The following KAT6A variants were observed in gnomAD, a reference collection of about 807,000 sequenced individuals.
KAT6A encodes histone acetyltransferase KAT6A.
A neutral mutation model predicts 198.4 loss-of-function variants in KAT6A; 9 were observed. The observed-to-expected ratio is 0.05, with a 90% CI of 0.03 to 0.08. The LOEUF (loss-of-function observed/expected upper bound fraction) is 0.08, where lower values mean the gene tolerates loss of function less well. KAT6A is among the 10% of genes least tolerant of loss of function. The pLI, the probability that KAT6A is intolerant of heterozygous loss-of-function variation, is 1.00. For missense variants in KAT6A, 2,077 were observed against 2,509.9 expected, an observed-to-expected ratio of 0.83 and a Z score of 3.69; for synonymous variants, 890 against 883.0, an observed-to-expected ratio of 1.01 and a Z score of -0.14.
chr8:41,981,018 G>A, intron 4 of KAT6A, 91 bp from the exon 5 acceptor site: 2 of 915,626 alleles, frequency 2.2e-6, no homozygotes, highest in East Asian at 4.9e-5. Flanking sequence ...AAAGCTTCAG[G>A]GATCTTAAAA....
intron 2 of KAT6A, among the ~76,000 whole-genome samples, chr8:42,039,150 C>T (rs763366599): frequency 1.3e-5 from 2 of 152,152 alleles, no homozygotes; most frequent in Non-Finnish European, 2.9e-5. Context: ...CTGGGACAAG[C>T]AGAAGGGTGA....
chr8:41,958,231 G>A (rs1823023554), intron 8 of KAT6A: 1 of 152,192 alleles, frequency 6.6e-6, no homozygotes, highest in Non-Finnish European at 1.5e-5. Context: ...ATGAATTTAA[G>A]GACTAGAGAA....
chr8:42,026,753 T>C (rs769671622), intron 2 of KAT6A, among the ~76,000 whole-genome samples: 1 of 152,224 alleles, frequency 6.6e-6, no homozygotes, highest in Non-Finnish European at 1.5e-5. Flanking sequence ...GGATGCCTTT[T>C]TTTTCTTTCT....
intron 2 of KAT6A, among the ~76,000 whole-genome samples, chr8:42,045,891 A>G (rs998644261): frequency 6.6e-6 from 1 of 151,796 alleles, no homozygotes; most frequent in Non-Finnish European, 1.5e-5. Context: ...AGGTTGAGGC[A>G]GAAGAATCGC....
At position 41,932,081 on chromosome 8, in the gene KAT6A, A is replaced by C; in HGVS notation, c.*124T>G. 1 of 970,630 alleles carries C rather than the reference A, an allele frequency of 1.0e-6. No individual in the cohort carries two copies. The highest frequency in any genetic ancestry group is 1.4e-6 in the Non-Finnish European group (1 of 734,868). The allele number at this position is 970,630 out of a possible 1,614,324, so 60.1% of individuals were successfully genotyped here. A position where few individuals can be genotyped will look rare whatever the true frequency, so the allele number is the denominator to read the frequency against. Reference sequence around the variant, plus strand: ...TTCTAAAAAATAAAATAAACCAAAGAAAAATTCCTCTAAATCTACAGCAAT... The same window carrying C: ...TTCTAAAAAATAAAATAAACCAAAGCAAAATTCCTCTAAATCTACAGCAAT... On this transcript the variant is annotated 3_prime_UTR_variant, in exon 17 of 17. Transcript: ENST00000265713.
chr8:42,004,789 G>A (rs1825656869), intron 2 of KAT6A, among the ~76,000 whole-genome samples: 1 of 152,064 alleles, frequency 6.6e-6, no homozygotes, highest in Non-Finnish European at 1.5e-5. Context: ...TTAGCCGGGT[G>A]TGGTGGTGTG....
rs538691155 is a variant in KAT6A, at chr8:41,986,347, CTGCAG to C, written c.709+1103_709+1107del. On this transcript the variant is annotated intron_variant, in intron 3 of 16. Transcript: ENST00000265713. ...CTAGAATTTCACATTGCTCGCTAGA[CTGCAG>C]TATCAACACTATTTCCCAATGTGAC... Among the ~76,000 whole-genome samples, 702 of 152,328 alleles carry C rather than the reference CTGCAG, an allele frequency of 4.6e-3. 1 individual carries two copies. Among genetic ancestry groups the C allele is most frequent in the Non-Finnish European group, 7.9e-3 (535 of 68,018 alleles).
chr8:41,996,521 T>C (rs1825211938), intron 2 of KAT6A, among the ~76,000 whole-genome samples: 1 of 152,204 alleles, frequency 6.6e-6, no homozygotes, highest in African/African-American at 2.4e-5. Flanking sequence ...CAATGTCCCC[T>C]CCAAGTCTGG....
At chr8:42,024,828 T>C (rs1341506113) in intron 2 of KAT6A, among the ~76,000 whole-genome samples, 1 of 152,210 alleles carries the variant, frequency 6.6e-6, no homozygotes, top group Non-Finnish European at 1.5e-5. Context: ...TTATAAAATT[T>C]TCTTTATCCA....
intron 8 of KAT6A, among the ~76,000 whole-genome samples, chr8:41,967,403 G>A (rs1215870269): frequency 6.6e-6 from 1 of 150,504 alleles, no homozygotes; most frequent in Non-Finnish European, 1.5e-5. Context: ...CCACTAACTC[G>A]TCATCTAGCA....
chr8:41,965,552 CTTTT>C (rs1281498747), intron 8 of KAT6A, among the ~76,000 whole-genome samples: 1 of 152,174 alleles, frequency 6.6e-6, no homozygotes, highest in Non-Finnish European at 1.5e-5. Flanking sequence ...CTTCAAACCA[CTTTT>C]TTTATTACAG....
At chr8:42,035,471 T>A (rs893954600) in intron 2 of KAT6A, among the ~76,000 whole-genome samples, 1 of 152,134 alleles carries the variant, frequency 6.6e-6, no homozygotes, top group African/African-American at 2.4e-5. Context: ...AGGAAAGTTA[T>A]CTCTAGATAA....
At chr8:41,955,155 CG>C (rs1564020441) in intron 9 of KAT6A, 140 bp downstream of exon 9, 1 of 588,466 alleles carries the variant, frequency 1.7e-6, no homozygotes, top group East Asian at 3.1e-5. Context: ...CTGCCAAAGC[CG>C]CTGCTATTAT....
chr8:41,940,032 A>G (rs1822032116), intron 15 of KAT6A, among the ~76,000 whole-genome samples: 1 of 152,224 alleles, frequency 6.6e-6, no homozygotes, highest in African/African-American at 2.4e-5. Flanking sequence ...AAAACAAAAC[A>G]AAACAAAAGA....
intron 8 of KAT6A, among the ~76,000 whole-genome samples, chr8:41,965,891 C>T (rs534074927): frequency 1.3e-5 from 2 of 152,080 alleles, no homozygotes; most frequent in South Asian, 4.1e-4. Context: ...GTAGGTGGGG[C>T]GATGTTTACT....
intron 8 of KAT6A, among the ~76,000 whole-genome samples, chr8:41,956,729 T>C (rs1229932351): frequency 6.6e-6 from 1 of 152,222 alleles, no homozygotes; most frequent in East Asian, 1.9e-4. Context: ...AATTGTGTTA[T>C]AACACCACCA....
chr8:42,026,682 T>A (rs1826830767), intron 2 of KAT6A, among the ~76,000 whole-genome samples: 1 of 152,260 alleles, frequency 6.6e-6, no homozygotes, highest in Non-Finnish European at 1.5e-5. Context: ...TTCATGTTTT[T>A]CTACATATGA....
chr8:41,986,957 G>C (rs866542595), intron 3 of KAT6A, among the ~76,000 whole-genome samples: 2 of 152,146 alleles, frequency 1.3e-5, no homozygotes, highest in South Asian at 4.1e-4. Flanking sequence ...AAAATTGCTT[G>C]AACTCAGGAG....
intron 2 of KAT6A, among the ~76,000 whole-genome samples, chr8:41,991,627 TTAA>T (rs1824951002): frequency 6.6e-6 from 1 of 152,160 alleles, no homozygotes; most frequent in Non-Finnish European, 1.5e-5. Context: ...TAAATTTAAA[TTAA>T]TCAAAAAATA....
Sources: allele counts gnomAD v4.1 joint callset (sites outside exome capture counted in the v4.1 genomes callset), GRCh38; gene constraint gnomAD v4.1.1; transcripts MANE v1.5; gene names NCBI Gene and HGNC (gene_info 2026-07-23, HGNC 2026-07-21).